The following LRFN5 variants were observed in gnomAD, a reference collection of about 807,000 sequenced individuals.
The protein encoded by LRFN5 is leucine-rich repeat and fibronectin type-III domain-containing protein 5.
LRFN5 carries 24 observed loss-of-function variants against 45.6 expected under a neutral mutation model. The observed-to-expected ratio is 0.53, with a 90% CI of 0.38 to 0.74. The LOEUF (loss-of-function observed/expected upper bound fraction) is 0.74, where lower values mean the gene tolerates loss of function less well. Ranked by LOEUF, LRFN5 falls within the 30% of genes least tolerant of loss-of-function variation. LRFN5 has a pLI of 0.00. For missense variants in LRFN5, 776 were observed against 861.5 expected (o/e 0.90, Z 1.24); for synonymous variants, 340 against 313.8 (o/e 1.08, Z -0.88).
At chr14:41,775,805 T>A (rs1249919335) in intron 2 of LRFN5, among the ~76,000 whole-genome samples, 1 of 152,254 alleles carries the variant, frequency 6.6e-6, no homozygotes, top group African/African-American at 2.4e-5. Context: ...TATGTAATTT[T>A]AAATTAATGT....
intron 1 of LRFN5, among the ~76,000 whole-genome samples, chr14:41,755,925 A>G (rs907606726): frequency 2.0e-5 from 3 of 152,122 alleles, no homozygotes; most frequent in African/African-American, 7.2e-5. Context: ...TTCCACGTCT[A>G]GTGCTTTCTT....
At chr14:41,816,258 CAT>C (rs1028433643) in intron 2 of LRFN5, among the ~76,000 whole-genome samples, 6 of 151,856 alleles carry the variant, frequency 4.0e-5, no homozygotes, top group African/African-American at 1.2e-4. Context: ...ATTTCACACA[CAT>C]ATATATATGC....
At chr14:41,837,172 A>G (rs1185580047) in intron 2 of LRFN5, among the ~76,000 whole-genome samples, 1 of 135,006 alleles carries the variant, frequency 7.4e-6, no homozygotes, top group Admixed American at 8.2e-5. Context: ...AATTTGAAGA[A>G]TTATCTCTCT....
rs1265893617 is a variant in LRFN5, at chr14:41,662,228, G to A, written c.-197+53666G>A. 5.3e-5 allele frequency among the ~76,000 whole-genome samples: 8 copies of A among 152,138 alleles called. No individual in the cohort carries two copies. In the South Asian group the frequency reaches 8.3e-4, roughly 16 times the overall value. ...GTCAAATATGAATAAGAGCTGAGAC[G>A]TCTCCTTCACATTTGGTAGTTAGTT... On this transcript the variant is annotated intron_variant, in intron 1 of 5. Transcript: ENST00000298119.
At chr14:41,750,208 T>C (rs1404296998) in intron 1 of LRFN5, among the ~76,000 whole-genome samples, 1 of 150,708 alleles carries the variant, frequency 6.6e-6, no homozygotes, top group Non-Finnish European at 1.5e-5. Flanking sequence ...ATGTTATCAG[T>C]TTTCTTCTCT....
chr14:41,750,544 C>T (rs894164285), intron 1 of LRFN5, among the ~76,000 whole-genome samples: 4 of 151,884 alleles, frequency 2.6e-5, no homozygotes, highest in African/African-American at 9.7e-5. Flanking sequence ...TAATAAAGTA[C>T]ATATATTAAA....
At chr14:41,853,008 CAGACACTATCTTT>C (rs1889325312) in intron 2 of LRFN5, among the ~76,000 whole-genome samples, 1 of 151,994 alleles carries the variant, frequency 6.6e-6, no homozygotes, top group East Asian at 1.9e-4. Context: ...CTCTTATCTA[CAGACACTATCTTT>C]AATGCAAACT....
chr14:41,700,132 T>C (rs185785511), intron 1 of LRFN5: 29 of 152,002 alleles, frequency 1.9e-4, no homozygotes, highest in Admixed American at 1.9e-3. Flanking sequence ...GGGAAGGTAA[T>C]GGAGAAGTAG....
chr14:41,862,958 A>G (rs910137284), intron 2 of LRFN5, among the ~76,000 whole-genome samples: 1 of 142,062 alleles, frequency 7.0e-6, no homozygotes, highest in Non-Finnish European at 1.5e-5. Flanking sequence ...TCCGCCTCCC[A>G]GGTTCACGCC....
At chr14:41,649,999 G>GA (rs1880017769) in intron 1 of LRFN5, among the ~76,000 whole-genome samples, 1 of 151,964 alleles carries the variant, frequency 6.6e-6, no homozygotes, top group Non-Finnish European at 1.5e-5. Context: ...TAATAATTAA[G>GA]AAAAAATGTA....
chr14:41,662,864 C>G (rs1386089103), intron 1 of LRFN5, among the ~76,000 whole-genome samples: 2 of 152,036 alleles, frequency 1.3e-5, no homozygotes, highest in Non-Finnish European at 2.9e-5. Context: ...TCCATTGATC[C>G]CAGTTTAACC....
At chr14:41,626,038 T>C (rs1888319127) in intron 1 of LRFN5, among the ~76,000 whole-genome samples, 1 of 152,042 alleles carries the variant, frequency 6.6e-6, no homozygotes, top group Admixed American at 6.6e-5. Flanking sequence ...GATACATACA[T>C]AGGCAAAAAG....
At chr14:41,634,734 G>T (rs923334914) in intron 1 of LRFN5, among the ~76,000 whole-genome samples, 1 of 152,086 alleles carries the variant, frequency 6.6e-6, no homozygotes, top group Non-Finnish European at 1.5e-5. Flanking sequence ...ATGCTGTAGG[G>T]TTTGGGTCTG....
chr14:41,626,605 A>G (rs1888343440), intron 1 of LRFN5, among the ~76,000 whole-genome samples: 1 of 152,060 alleles, frequency 6.6e-6, no homozygotes, highest in African/African-American at 2.4e-5. Context: ...TTATGTTCAT[A>G]GTGTTATGTT....
At chr14:41,767,326 A>C (rs2138883251) in intron 2 of LRFN5, among the ~76,000 whole-genome samples, 1 of 152,288 alleles carries the variant, frequency 6.6e-6, no homozygotes, top group East Asian at 1.9e-4. Flanking sequence ...TGGACAAGGA[A>C]TAGATTAAAA....
intron 2 of LRFN5, among the ~76,000 whole-genome samples, chr14:41,847,132 G>A (rs1889096497): frequency 6.6e-6 from 1 of 151,924 alleles, no homozygotes; most frequent in South Asian, 2.1e-4. Flanking sequence ...TAATTCAAGA[G>A]TAATTATTTT....
At chr14:41,771,144 G>T (rs1383027641) in intron 2 of LRFN5, among the ~76,000 whole-genome samples, 1 of 151,100 alleles carries the variant, frequency 6.6e-6, no homozygotes, top group African/African-American at 2.4e-5. Context: ...GCTGCTCAGG[G>T]CAGTGGGGCC....
chr14:41,892,938 C>A (rs1890831806), intron 4 of LRFN5: 1 of 985,054 alleles, frequency 1.0e-6, no homozygotes. Flanking sequence ...AAGAGGGAGA[C>A]AAACATACAA....
intron 1 of LRFN5, among the ~76,000 whole-genome samples, chr14:41,609,292 A>G (rs1275576210): frequency 1.3e-5 from 2 of 152,102 alleles, no homozygotes; most frequent in East Asian, 3.9e-4. Flanking sequence ...TGTCCCCGTC[A>G]CGGACACGCA....
Sources: gnomAD v4.1 joint callset for allele counts (sites outside exome capture counted in the v4.1 genomes callset) on GRCh38, gnomAD v4.1.1 for gene constraint, MANE v1.5 for transcripts, NCBI Gene and HGNC (gene_info 2026-07-23, HGNC 2026-07-21) for gene names.